The following ATP2B2 variants were observed in gnomAD, a reference collection of about 807,000 sequenced individuals.
ATP2B2 encodes the protein plasma membrane calcium-transporting ATPase 2.
A neutral mutation model predicts 120.0 loss-of-function variants in ATP2B2; 15 were observed. The observed-to-expected ratio is 0.12, with a 90% CI of 0.08 to 0.19. The LOEUF (loss-of-function observed/expected upper bound fraction) is 0.19, where lower values mean the gene tolerates loss of function less well. Ranked by LOEUF, ATP2B2 falls within the 10% of genes least tolerant of loss-of-function variation. ATP2B2 has a pLI of 1.00. For synonymous variants in ATP2B2, 694 were observed against 700.3 expected (o/e 0.99, Z 0.14); for missense variants, 1,045 against 1,719.8 (o/e 0.61, Z 6.94).
At chr3:10,378,681 C>T (rs573517900) in intron 9 of ATP2B2, among the ~76,000 whole-genome samples, 8 of 152,298 alleles carry the variant, frequency 5.3e-5, no homozygotes, top group South Asian at 4.1e-4. Flanking sequence ...ATCCCCCTCT[C>T]GGCCTGAACA....
intron 7 of ATP2B2, 145 bp downstream of exon 7, chr3:10,386,335 C>A: frequency 2.4e-6 from 2 of 846,976 alleles, no homozygotes; most frequent in Non-Finnish European, 3.9e-6. Context: ...CACAGGAGGG[C>A]ACAAAGGAGG....
chr3:10,350,490 C>T lies in ATP2B2; in HGVS notation c.2224G>A (p.Ala742Thr), dbSNP rs1354662233. Residue 742 changes from alanine (A) to threonine (T), a missense_variant, in exon 15 of 23, where the codon GCC becomes ACC. Ala to Thr is a moderately conservative substitution (Grantham distance 58). Around this residue, in one of 11 missense-constraint regions of ATP2B2, gnomAD observed 343 missense variants for 536.8 expected, o/e 0.64. Transcript: ENST00000360273. ...GGATGGATGATGCCACACTTGATGG[C>T]GATGGCCCGAGCCGTGTTGATATTG... Reference protein sequence around the residue: ...GDNINTARAIAIKCGIIHPGE... With the variant: ...GDNINTARAITIKCGIIHPGE... The T allele has an allele frequency of 1.2e-6, 2 of 1,614,104 alleles. No homozygotes were observed. The highest frequency in any genetic ancestry group is 1.3e-5 in the African/African-American group (1 of 74,938).
Position 10,360,007 on chromosome 3 carries a change from T to C in ATP2B2, c.1776A>G (p.Pro592=), listed in dbSNP as rs1422724381. 2 of 1,614,232 alleles carry C rather than the reference T, an allele frequency of 1.2e-6. No individual in the cohort carries two copies. Among genetic ancestry groups the C allele is most frequent in the African/African-American group, 1.3e-5 (1 of 75,066 alleles). Residue 592 remains proline, a synonymous_variant, in exon 13 of 23, where the codon CCA becomes CCG. Transcript: ENST00000360273. ...QDYEPVRSQM[P]EEKLYKVYTF... is the part of the protein sequence containing the mutation. ...TGTACACTTTGTACAACTTCTCCTCTGGCATCTGGCTGCGCACGGGCTCGT... is the reference window on the plus strand; with the variant it reads ...TGTACACTTTGTACAACTTCTCCTCCGGCATCTGGCTGCGCACGGGCTCGT...
chr3:10,486,666 T>C (rs187738208), intron 1 of ATP2B2, among the ~76,000 whole-genome samples: 44 of 152,228 alleles, frequency 2.9e-4, no homozygotes, highest in African/African-American at 1.0e-3. Context: ...GCCCCTTCGA[T>C]TCTCACTAAT....
At chr3:10,599,929 A>C (rs1479791265) in intron 2 of ATP2B2, among the ~76,000 whole-genome samples, 3 of 152,220 alleles carry the variant, frequency 2.0e-5, no homozygotes, top group East Asian at 1.9e-4. Context: ...TTTGAGAAGA[A>C]GACATTTGAG....
intron 2 of ATP2B2, among the ~76,000 whole-genome samples, chr3:10,582,214 A>T (rs1218647981): frequency 6.6e-6 from 1 of 151,942 alleles, no homozygotes; most frequent in African/African-American, 2.4e-5. Flanking sequence ...GGGACCGGGG[A>T]TCTGGGCGTG....
chr3:10,394,575 A>T (rs1158660473), intron 5 of ATP2B2: 1 of 458,502 alleles, frequency 2.2e-6, no homozygotes, highest in South Asian at 1.6e-5. Context: ...CGAGTAGCAG[A>T]CTGGGCCTTC....
intron 3 of ATP2B2, among the ~76,000 whole-genome samples, chr3:10,517,085 T>A (rs558989187): frequency 5.9e-5 from 9 of 152,216 alleles, no homozygotes; most frequent in Admixed American, 3.3e-4. Flanking sequence ...ACGACAAAGG[T>A]CAAGTCTGCT....
At position 10,327,370 on chromosome 3, in the gene ATP2B2, A is replaced by T. The variant is rs1448300845; in HGVS notation, c.*1444T>A. 1 of 152,758 alleles carries T rather than the reference A, an allele frequency of 6.5e-6. No individual in the cohort carries two copies. Among genetic ancestry groups the T allele is most frequent in the Non-Finnish European group, 1.5e-5 (1 of 68,118 alleles). The allele number at this position is 152,758 out of a possible 1,614,324, so 9.5% of individuals were successfully genotyped here. On this transcript the variant is annotated 3_prime_UTR_variant, in exon 23 of 23. Transcript: ENST00000360273. ...TTTGGTTTAAAATCACACTGAGTAC[A>T]TCTCAATATACACATCATAAGGTTC...
intron 1 of ATP2B2, among the ~76,000 whole-genome samples, chr3:10,646,229 T>A (rs2070318390): frequency 6.6e-6 from 1 of 152,218 alleles, no homozygotes; most frequent in Non-Finnish European, 1.5e-5. Context: ...CAGAGTGGTT[T>A]CTGTCCTTCT....
chr3:10,440,199 C>T (rs1405225477), intron 2 of ATP2B2, among the ~76,000 whole-genome samples: 1 of 150,938 alleles, frequency 6.6e-6, no homozygotes, highest in African/African-American at 2.4e-5. Context: ...TCAGCATCCC[C>T]TTGTCCTGTA....
At chr3:10,547,393 A>G (rs2067573152) in intron 2 of ATP2B2, among the ~76,000 whole-genome samples, 1 of 152,176 alleles carries the variant, frequency 6.6e-6, no homozygotes, top group Admixed American at 6.5e-5. Context: ...CTGTCTTCAC[A>G]TTCCTGGCCC....
At chr3:10,444,344 A>G (rs2063765722) in intron 2 of ATP2B2, among the ~76,000 whole-genome samples, 1 of 152,180 alleles carries the variant, frequency 6.6e-6, no homozygotes, top group Admixed American at 6.5e-5. Flanking sequence ...TGGCAACAAC[A>G]CACGGAAGAC....
intron 1 of ATP2B2, among the ~76,000 whole-genome samples, chr3:10,647,828 A>G (rs2070360261): frequency 6.6e-6 from 1 of 152,318 alleles, no homozygotes; most frequent in African/African-American, 2.4e-5. Flanking sequence ...ATAAAACTCC[A>G]TGGGCAAAGT....
At chr3:10,559,548 T>C (rs2067855861) in intron 2 of ATP2B2, among the ~76,000 whole-genome samples, 2 of 151,286 alleles carry the variant, frequency 1.3e-5, no homozygotes, top group Non-Finnish European at 1.5e-5. Flanking sequence ...AAAAAACTAG[T>C]GAATTAGACA....
intron 1 of ATP2B2, among the ~76,000 whole-genome samples, chr3:10,497,752 C>T (rs183284607): frequency 5.3e-5 from 8 of 152,280 alleles, no homozygotes; most frequent in African/African-American, 1.9e-4. Flanking sequence ...TTGTTTTGCA[C>T]GGCCATTTAT....
At chr3:10,570,036 G>T (rs1477511924) in intron 2 of ATP2B2, 2 of 152,142 alleles carry the variant, frequency 1.3e-5, no homozygotes, top group Non-Finnish European at 2.9e-5. Context: ...TTGCCCCTAG[G>T]ACACTGGTCA....
chr3:10,565,667 A>T (rs1180425063), intron 2 of ATP2B2, among the ~76,000 whole-genome samples: 1 of 152,148 alleles, frequency 6.6e-6, no homozygotes, highest in African/African-American at 2.4e-5. Flanking sequence ...TTGGTCTTCA[A>T]TGTGGAGCCT....
chr3:10,698,001 G>T (rs1429037671), intron 1 of ATP2B2, among the ~76,000 whole-genome samples: 1 of 152,204 alleles, frequency 6.6e-6, no homozygotes, highest in Non-Finnish European at 1.5e-5. Flanking sequence ...TGGGGCAGAT[G>T]GTAGGGGCTG....
Sources: gnomAD v4.1 joint callset for allele counts (sites outside exome capture counted in the v4.1 genomes callset) on GRCh38, gnomAD v4.1.1 for gene constraint, gnomAD v4.1.1 regional missense constraint, MANE v1.5 for transcripts, NCBI Gene and HGNC (gene_info 2026-07-23, HGNC 2026-07-21) for gene names.